Variants in SETD1B observed in about 807,000 individuals in gnomAD.
The protein encoded by SETD1B is SET domain containing 1B, histone lysine methyltransferase.
SETD1B carries 7 observed loss-of-function variants against 148.0 expected under a neutral mutation model. The observed-to-expected ratio is 0.05, with a 90% CI of 0.03 to 0.09. The LOEUF (loss-of-function observed/expected upper bound fraction) is 0.09. Among genes scored for constraint, SETD1B ranks in the 10% least tolerant of loss-of-function variants. SETD1B has a pLI of 1.00. For missense variants in SETD1B, 2,155 were observed against 2,729.9 expected (o/e 0.79, Z 4.69); for synonymous variants, 1,361 against 1,186.5 (o/e 1.15, Z -3.02).
Position 121,823,337 on chromosome 12 carries a change from T to TGCCCCCCCCC in SETD1B, c.4758_4759insGCCCCCCCCC (p.Pro1587AlafsTer24). 1.2e-6 allele frequency: 1 copy of TGCCCCCCCCC among 809,490 alleles called. No homozygotes were observed. Among genetic ancestry groups the TGCCCCCCCCC allele is most frequent in the Non-Finnish European group, 1.8e-6 (1 of 560,564 alleles). The allele number at this position is 809,490 out of a possible 1,614,324, so 50.1% of individuals were successfully genotyped here. A position where few individuals can be genotyped will look rare whatever the true frequency, so the allele number is the denominator to read the frequency against. On this transcript the variant is annotated frameshift_variant, in exon 12 of 17. Coordinates refer to ENST00000604567, the MANE Select transcript of SETD1B (RefSeq NM_001353345.2). LOFTEE classifies it high-confidence loss of function. ...GGATCCCAGCCCCTCCACCACCCCTTCCCCCCCAGCCACCCCCACCCCCAC... is the reference window on the plus strand; with the variant it reads ...GGATCCCAGCCCCTCCACCACCCCTTGCCCCCCCCCCCCCCCCAGCCACCCCCACCCCCAC...
chr12:121,810,424 G>T lies in SETD1B; in HGVS notation c.1479G>T (p.Glu493Asp). The T allele has an allele frequency of 6.5e-7, 1 of 1,549,160 alleles. No individual in the cohort carries two copies. The change falls in exon 6 of 17, where the codon GAG (glutamate) becomes GAT (aspartate). Residue 493 changes from glutamate (E) to aspartate (D), a missense_variant. Around this residue, in one of 11 missense-constraint regions of SETD1B, gnomAD observed 376 missense variants for 385.0 expected, o/e 0.98. Transcript: ENST00000604567. The surrounding 1 kb of genome is among the most constrained non-coding windows in gnomAD (Gnocchi z 7.6). ...TGGAGTCGTCCCCTGCAGGGCCAGA[G>T]AAACCCCACGACAGCCTGGACTCGC... ...PTLESSPAGP[E>D]KPHDSLDSRI... is the part of the protein sequence containing the mutation.
chr12:121,814,552 G>C lies in SETD1B; in HGVS notation c.2337G>C (p.Thr779=). The C allele has an allele frequency of 6.7e-7, 1 of 1,494,510 alleles. No homozygotes were observed. The highest frequency in any genetic ancestry group is 9.0e-7 in the Non-Finnish European group (1 of 1,117,216). 92.6% of individuals were successfully genotyped at this position (1,494,510 alleles called of 1,614,324 possible). The change falls in exon 7 of 17, where the codon ACG becomes ACC. Residue 779 remains threonine (T), a synonymous_variant. Coordinates refer to ENST00000604567, the MANE Select transcript of SETD1B (RefSeq NM_001353345.2). ...GGMPMSFQMQ[T]QVLSRLMTGQ... ...TGCCCATGTCCTTCCAGATGCAAAC[G>C]CAGGTGCTCAGCCGGCTGATGACGG...
chr12:121,812,204 G>C (rs960303919), intron 6 of SETD1B, among the ~76,000 whole-genome samples: 4 of 152,184 alleles, frequency 2.6e-5, no homozygotes, highest in Admixed American at 6.5e-5. Context: ...CGCAGTGCGG[G>C]GAGCTGGACC....
intron 13 of SETD1B, 117 bp from the exon 14 acceptor site, chr12:121,827,402 T>G: frequency 7.7e-7 from 1 of 1,301,112 alleles, no homozygotes; most frequent in Non-Finnish European, 1.0e-6. Context: ...CCGACAGGTG[T>G]GGAGAAGCCC....
At chr12:121,791,206 A>G in the SETD1B span, among the ~76,000 whole-genome samples, 1 of 151,754 alleles carries the variant, frequency 6.6e-6, no homozygotes, top group Admixed American at 6.6e-5. Flanking sequence ...GCTCACTGCA[A>G]CCTCTGCCTC....
At chr12:121,823,863 A>G in intron 12 of SETD1B, 114 bp downstream of exon 12, 3 of 1,358,984 alleles carry the variant, frequency 2.2e-6, no homozygotes, top group South Asian at 3.0e-5. Context: ...TGAAGGTGAC[A>G]GCATGCACCA....
the SETD1B span, chr12:121,797,770 G>A: frequency 2.8e-6 from 1 of 357,412 alleles, no homozygotes; most frequent in Non-Finnish European, 5.5e-6. Context: ...TAACGTGAGA[G>A]CAACGGGGTT....
the SETD1B span, chr12:121,797,736 GCCACA>G: frequency 2.6e-6 from 1 of 379,316 alleles, no homozygotes; most frequent in Admixed American, 3.2e-5. Context: ...AAAGGGAGGC[GCCACA>G]CCCTCGGGCG....
chr12:121,814,651 C>T lies in SETD1B; in HGVS notation c.2436C>T (p.Val812=), dbSNP rs749689112. The stretch of plus-strand genomic sequence containing the variant: ...CTGCCTCAGCTGGGCTCCAGTTTGT[C>T]AACCTGCCGCCCTACCGGGGCCCCT... ...AAAASAGLQF[V]NLPPYRGPFS... is the part of the protein sequence containing the mutation. Residue 812 remains valine (V), a synonymous_variant, in exon 7 of 17, where the codon GTC becomes GTT. Transcript: ENST00000604567. 15 of 1,548,266 alleles carry T rather than the reference C, an allele frequency of 9.7e-6. No individual in the cohort carries two copies. The highest frequency in any genetic ancestry group is 1.3e-5 in the Non-Finnish European group (15 of 1,145,870).
intron 13 of SETD1B, among the ~76,000 whole-genome samples, chr12:121,825,776 C>T (rs1050326587): frequency 5.9e-5 from 9 of 152,176 alleles, no homozygotes; most frequent in Non-Finnish European, 1.0e-4. Flanking sequence ...TCCTGAGTAG[C>T]TGGGATTACA....
At position 121,805,066 on chromosome 12, in the gene SETD1B, A is replaced by C. The variant is rs561756354; in HGVS notation, c.175-52A>C. The C allele has an allele frequency of 1.3e-6, 2 of 1,527,858 alleles. No homozygotes were observed. The highest frequency in any genetic ancestry group is 1.8e-6 in the Non-Finnish European group (2 of 1,126,148). The allele number at this position is 1,527,858 out of a possible 1,614,324, so 94.6% of individuals were successfully genotyped here. ...AGTGCCTCGAGAAAGGGGTCTGCCC[A>C]TGGGGAGGGGGACCAGTTCTCTCAT... is the stretch of plus-strand genomic sequence containing the variant. On this transcript the variant is annotated intron_variant, in intron 2 of 16. Transcript: ENST00000604567. This position sits in a 1 kb window ranked among gnomAD's most constrained non-coding sequence, Gnocchi z 4.2.
intron 4 of SETD1B, among the ~76,000 whole-genome samples, chr12:121,807,003 C>T (rs1875776850): frequency 6.6e-6 from 1 of 152,184 alleles, no homozygotes; most frequent in African/African-American, 2.4e-5. Context: ...CACCGGGGTC[C>T]CCTGGGAAAC....
chr12:121,797,870 C>T, the SETD1B span: 10 of 336,024 alleles, frequency 3.0e-5, no homozygotes. Flanking sequence ...CAATTTTTAT[C>T]AGGTGCTTTC....
the SETD1B span, chr12:121,793,114 G>A: frequency 6.6e-7 from 1 of 1,525,046 alleles, no homozygotes; most frequent in Non-Finnish European, 8.9e-7. Context: ...CTTCGGGCGG[G>A]CGGACCCTCG....
rs1877060903 is a variant in SETD1B at position 121,830,832 on chromosome 12, C to A, written c.*593C>A. ...TCAGAACACTACGCCCTGAAAGCGC[C>A]CCTCACTGCCCGTGGGCACAGTGAG... On this transcript the variant is annotated 3_prime_UTR_variant, in exon 17 of 17. Transcript: ENST00000604567. This position sits in a 1 kb window ranked among gnomAD's most constrained non-coding sequence, Gnocchi z 5.7. 6.6e-6 allele frequency: 1 copy of A among 152,306 alleles called. No individual in the cohort carries two copies. The highest frequency in any genetic ancestry group is 2.4e-5 in the African/African-American group (1 of 41,426). 9.4% of individuals were successfully genotyped at this position (152,306 alleles called of 1,614,324 possible). A position where few individuals can be genotyped will look rare whatever the true frequency, so the allele number is the denominator to read the frequency against.
chr12:121,828,322 T>C (rs1286965050), intron 16 of SETD1B, among the ~76,000 whole-genome samples: 3 of 152,196 alleles, frequency 2.0e-5, no homozygotes, highest in East Asian at 3.8e-4. Flanking sequence ...CTCAAAGAAG[T>C]GGTTGGTTCA....
At position 121,808,525 on chromosome 12, in the gene SETD1B, T is replaced by C. The variant is rs1731168955; in HGVS notation, c.657+205T>C. ...CCTAGAGCCCCATTTTCCCAAGTGC[T>C]CCTGCAGTAGGGCTCCATGGGATTG... On this transcript the variant is annotated intron_variant, in intron 5 of 16. Transcript: ENST00000604567. The surrounding 1 kb of genome is among the most constrained non-coding windows in gnomAD (Gnocchi z 5.3). Among the ~76,000 whole-genome samples, 1 of 152,236 alleles carries C rather than the reference T, an allele frequency of 6.6e-6. No individual in the cohort carries two copies. The highest frequency in any genetic ancestry group is 6.5e-5 in the Admixed American group (1 of 15,284).
chr12:121,796,925 C>G, the SETD1B span, among the ~76,000 whole-genome samples: 1 of 151,930 alleles, frequency 6.6e-6, no homozygotes, highest in Non-Finnish European at 1.5e-5. Flanking sequence ...GTAATCCCAG[C>G]TACTCGGAGG....
Position 121,819,600 on chromosome 12 carries a change from C to T in SETD1B, c.3615C>T (p.Gly1205=). 1 of 1,552,138 alleles carries T rather than the reference C, an allele frequency of 6.4e-7. No individual in the cohort carries two copies. ...CCGAGGAAAGCATGGCTTCTGCAGG[C>T]CCTGAGGACTTTGAGCAGGACGGGG... The part of the protein sequence containing the change: ...MVAEESMASA[G]PEDFEQDGEE... Residue 1205 remains glycine, a synonymous_variant, in exon 11 of 17, where the codon GGC becomes GGT. Transcript: ENST00000604567.
Sources: gnomAD v4.1 joint callset for allele counts (sites outside exome capture counted in the v4.1 genomes callset) on GRCh38, gnomAD v4.1.1 for gene constraint, gnomAD v4.1.1 regional missense constraint, Gnocchi (gnomAD v3.1) non-coding constraint, MANE v1.5 for transcripts, NCBI Gene and HGNC (gene_info 2026-07-23, HGNC 2026-07-21) for gene names.